Variants in RBFOX1 observed in about 807,000 individuals in gnomAD.
RBFOX1 encodes RNA binding fox-1 homolog 1, also known as RNA binding protein fox-1 homolog 1.
Under a neutral mutation model 57.7 loss-of-function variants are expected in RBFOX1, and 8 were observed. The ratio of observed to expected loss-of-function variants is 0.14; its 90% CI spans 0.08 to 0.25. The LOEUF is 0.25. Among genes scored for constraint, RBFOX1 ranks in the 10% least tolerant of loss-of-function variants. The pLI is 1.00. For missense variants in RBFOX1, 611 were observed against 548.5 expected, an observed-to-expected ratio of 1.11 and a Z score of -1.14; for synonymous variants, 326 against 222.4, an observed-to-expected ratio of 1.47 and a Z score of -4.15.
In RBFOX1 at chr16:6,763,392, T is replaced by C. The variant is rs545552545; in HGVS notation, c.-16+108742T>C. ...TGGAGAGCCATCCATTCCATCAGTA[T>C]TGTTTGGCACAACCATTCAACCAGC... On this transcript the variant is annotated intron_variant, in intron 3 of 15. Transcript: ENST00000550418. 5.5e-4 allele frequency among the ~76,000 whole-genome samples: 84 copies of C among 152,338 alleles called. 1 individual carries two copies. The highest frequency in any genetic ancestry group is 3.4e-3 in the Middle Eastern group (1 of 294).
intron 4 of RBFOX1, among the ~76,000 whole-genome samples, chr16:7,059,231 T>G (rs1324826147): frequency 6.6e-6 from 1 of 152,164 alleles, no homozygotes; most frequent in Non-Finnish European, 1.5e-5. Context: ...AAAGCCCAGC[T>G]TTTCATTCCT....
intron 1 of RBFOX1, among the ~76,000 whole-genome samples, chr16:6,090,566 A>G (rs2152530136): frequency 6.6e-6 from 1 of 152,334 alleles, no homozygotes; most frequent in Admixed American, 6.5e-5. Context: ...AGTGGGAAAA[A>G]TCTAACATTC....
At chr16:6,276,761 ATCCTGTTTATCTG>A (rs2075845195) in intron 1 of RBFOX1, among the ~76,000 whole-genome samples, 1 of 151,772 alleles carries the variant, frequency 6.6e-6, no homozygotes, top group Admixed American at 6.6e-5. Flanking sequence ...TTATCACAGC[ATCCTGTTTATCTG>A]TTTCCCCACG....
At chr16:7,662,443 T>C (rs1284210462) in intron 12 of RBFOX1, among the ~76,000 whole-genome samples, 1 of 152,180 alleles carries the variant, frequency 6.6e-6, no homozygotes, top group African/African-American at 2.4e-5. Flanking sequence ...GGTAAAGCAA[T>C]GACTCAATCT....
intron 2 of RBFOX1, among the ~76,000 whole-genome samples, chr16:5,554,874 G>T (rs1391741447): frequency 6.6e-6 from 1 of 152,134 alleles, no homozygotes; most frequent in Non-Finnish European, 1.5e-5. Context: ...AATGTCACGG[G>T]CAGTGGTACA....
At chr16:5,855,976 C>CT (rs1160702604) in intron 3 of RBFOX1, among the ~76,000 whole-genome samples, 11,137 of 77,692 alleles carry the variant, frequency 0.14, 846 homozygotes, top group Non-Finnish European at 0.19. Context: ...GTATGTTATT[C>CT]TTTTTTTTTT....
At chr16:5,300,262 C>G (rs2063770498) in intron 1 of RBFOX1, among the ~76,000 whole-genome samples, 1 of 151,998 alleles carries the variant, frequency 6.6e-6, no homozygotes, top group Admixed American at 6.6e-5. Flanking sequence ...TGTATTTTTT[C>G]TTGTATGCAC....
intron 4 of RBFOX1, among the ~76,000 whole-genome samples, chr16:7,156,601 G>A (rs1567495657): frequency 6.6e-6 from 1 of 151,914 alleles, no homozygotes; most frequent in Non-Finnish European, 1.5e-5. Context: ...ATACATATAT[G>A]TGTACATATA....
At chr16:7,535,515 G>T (rs1156248473) in intron 5 of RBFOX1, among the ~76,000 whole-genome samples, 1 of 152,216 alleles carries the variant, frequency 6.6e-6, no homozygotes, top group Non-Finnish European at 1.5e-5. Context: ...ATACAGGGAA[G>T]GGAGGCCTTC....
chr16:7,679,037 A>G (rs138023107), intron 14 of RBFOX1, among the ~76,000 whole-genome samples: 1 of 152,290 alleles, frequency 6.6e-6, no homozygotes, highest in African/African-American at 2.4e-5. Context: ...AACTATTCCT[A>G]TTTAACTTTA....
intron 3 of RBFOX1, among the ~76,000 whole-genome samples, chr16:5,816,927 A>C (rs1467225733): frequency 2.0e-5 from 3 of 152,198 alleles, no homozygotes; most frequent in Non-Finnish European, 4.4e-5. Flanking sequence ...GTGTTGATAT[A>C]GGCATGCATA....
At chr16:6,685,027 C>T (rs2059215729) in intron 3 of RBFOX1, among the ~76,000 whole-genome samples, 1 of 152,298 alleles carries the variant, frequency 6.6e-6, no homozygotes, top group Admixed American at 6.5e-5. Context: ...TAGTGAGGAA[C>T]TTGCCTAAGG....
chr16:6,657,192 C>G (rs1002183253), intron 3 of RBFOX1, among the ~76,000 whole-genome samples: 1 of 151,586 alleles, frequency 6.6e-6, no homozygotes, highest in Non-Finnish European at 1.5e-5. Context: ...CCTTTCCTTC[C>G]CACTTTCTCG....
chr16:5,314,644 G>T (rs1405650592), intron 1 of RBFOX1, among the ~76,000 whole-genome samples: 1 of 152,050 alleles, frequency 6.6e-6, no homozygotes, highest in Non-Finnish European at 1.5e-5. Flanking sequence ...GGGACTACAG[G>T]CATGCACCAC....
intron 3 of RBFOX1, among the ~76,000 whole-genome samples, chr16:6,911,614 T>A (rs1008292647): frequency 2.8e-4 from 43 of 152,208 alleles, no homozygotes; most frequent in African/African-American, 1.0e-3. Context: ...TGCTTCCAAA[T>A]CACGTCTCAC....
At chr16:6,987,154 G>C (rs953044405) in intron 3 of RBFOX1, among the ~76,000 whole-genome samples, 20 of 152,208 alleles carry the variant, frequency 1.3e-4, no homozygotes, top group African/African-American at 4.6e-4. Flanking sequence ...CTCAGTCAGA[G>C]AGCAGCATTT....
intron 3 of RBFOX1, among the ~76,000 whole-genome samples, chr16:6,932,747 C>A (rs112778849): frequency 3.3e-5 from 5 of 152,146 alleles, no homozygotes; most frequent in African/African-American, 9.7e-5. Context: ...GAAATAAATA[C>A]AATGTAAAAT....
intron 1 of RBFOX1, among the ~76,000 whole-genome samples, chr16:5,301,482 G>T (rs2063801512): frequency 1.3e-5 from 2 of 152,042 alleles, no homozygotes; most frequent in Admixed American, 1.3e-4. Context: ...AGCCAAGTGT[G>T]GTGGCAGGCG....
chr16:5,454,854 T>TTTTCTTTCTTTCTTTCTTTC (rs200680272), intron 1 of RBFOX1, among the ~76,000 whole-genome samples: 1 of 67,474 alleles, frequency 1.5e-5, no homozygotes, highest in Non-Finnish European at 2.9e-5. Context: ...TCTTTCTTTC[T>TTTTCTTTCTTTCTTTCTTTC]TTTCTTTCTT....
Sources: allele counts gnomAD v4.1 joint callset (sites outside exome capture counted in the v4.1 genomes callset), GRCh38; gene constraint gnomAD v4.1.1; transcripts MANE v1.5; gene names NCBI Gene and HGNC (gene_info 2026-07-23, HGNC 2026-07-21).